ANKRD6: variants seen among roughly 807,000 people sequenced by gnomAD.
ANKRD6 encodes the protein ankyrin repeat domain-containing protein 6.
Under a neutral mutation model 82.3 loss-of-function variants are expected in ANKRD6, and 56 were observed. That is an observed-to-expected ratio of 0.68 (90% CI 0.55 to 0.85). The LOEUF (loss-of-function observed/expected upper bound fraction) is 0.85, where lower values mean the gene tolerates loss of function less well. Ranked by LOEUF, ANKRD6 falls within the 40% of genes least tolerant of loss-of-function variation. The pLI, the probability that ANKRD6 is intolerant of heterozygous loss-of-function variation, is 0.00. For synonymous variants in ANKRD6, 347 were observed against 352.1 expected (o/e 0.99, Z 0.16); for missense variants, 852 against 907.6 (o/e 0.94, Z 0.79).
intron 3 of ANKRD6, chr6:89,598,211 CTCCAGGAGCAAA>C: frequency 1.0e-6 from 1 of 985,400 alleles, no homozygotes; most frequent in Non-Finnish European, 1.2e-6. Context: ...GATTATGCAA[CTCCAGGAGCAAA>C]TTCTTTCTTG....
intron 1 of ANKRD6, among the ~76,000 whole-genome samples, chr6:89,473,286 C>T (rs1434847968): frequency 1.3e-5 from 2 of 151,810 alleles, no homozygotes; most frequent in African/African-American, 4.8e-5. Flanking sequence ...CGGCGTATGC[C>T]CATAATCCCA....
At chr6:89,494,655 A>C (rs1012557394) in intron 1 of ANKRD6, among the ~76,000 whole-genome samples, 1 of 152,246 alleles carries the variant, frequency 6.6e-6, no homozygotes, top group Middle Eastern at 3.4e-3. Context: ...AAGTGGCTTG[A>C]ACTCCTGCAG....
chr6:89,501,202 C>T (rs574305928), intron 1 of ANKRD6, among the ~76,000 whole-genome samples: 2 of 152,308 alleles, frequency 1.3e-5, no homozygotes, highest in Admixed American at 6.5e-5. Context: ...AAAATCAAGA[C>T]TTAACGATTA....
intron 1 of ANKRD6, among the ~76,000 whole-genome samples, chr6:89,530,097 A>T (rs1456197836): frequency 6.6e-6 from 1 of 151,964 alleles, no homozygotes; most frequent in Non-Finnish European, 1.5e-5. Flanking sequence ...ATACAAAAAG[A>T]TACAAAAATT....
intron 7 of ANKRD6, chr6:89,616,351 A>G (rs907214314): frequency 7.0e-6 from 4 of 570,326 alleles, no homozygotes; most frequent in Non-Finnish European, 1.2e-5. Flanking sequence ...ATCCTCACTC[A>G]GAAAGAAAGG....
intron 4 of ANKRD6, among the ~76,000 whole-genome samples, chr6:89,605,185 C>A (rs568238195): frequency 9.9e-4 from 151 of 152,282 alleles, no homozygotes; most frequent in African/African-American, 3.6e-3. Context: ...AGTTCAAGAC[C>A]AGCCTAGCCA....
At chr6:89,470,783 A>G (rs532499466) in intron 1 of ANKRD6, among the ~76,000 whole-genome samples, 6 of 151,762 alleles carry the variant, frequency 4.0e-5, no homozygotes, top group African/African-American at 1.5e-4. Context: ...TCTTTTTAGG[A>G]TAAATTCTTA....
chr6:89,622,510 A>G (rs1188066191), intron 10 of ANKRD6, among the ~76,000 whole-genome samples: 3 of 152,184 alleles, frequency 2.0e-5, no homozygotes, highest in Non-Finnish European at 4.4e-5. Context: ...TCTCATGGGG[A>G]CTAAAATTTG....
At chr6:89,616,170 T>A (rs1339996424) in intron 7 of ANKRD6, among the ~76,000 whole-genome samples, 1 of 152,200 alleles carries the variant, frequency 6.6e-6, no homozygotes, top group Non-Finnish European at 1.5e-5. Context: ...TTTTCTGACC[T>A]CTGACCTCCC....
At chr6:89,566,454 A>G (rs576064193) in intron 1 of ANKRD6, among the ~76,000 whole-genome samples, 1 of 152,314 alleles carries the variant, frequency 6.6e-6, no homozygotes, top group South Asian at 2.1e-4. Context: ...AAATCCAACC[A>G]GGGGGCCTTT....
At chr6:89,485,940 G>A (rs947910579) in intron 1 of ANKRD6, among the ~76,000 whole-genome samples, 15 of 152,120 alleles carry the variant, frequency 9.9e-5, no homozygotes, top group Non-Finnish European at 1.9e-4. Flanking sequence ...ATTACCTGAA[G>A]CATGCGTTTT....
rs965614442 is a variant in ANKRD6 at position 89,591,807 on chromosome 6, A to G, written c.121-4109A>G. On this transcript the variant is annotated intron_variant, in intron 2 of 15. Coordinates refer to ENST00000339746, the MANE Select transcript of ANKRD6 (RefSeq NM_001242809.2). ...CGGAGGAGACAGCTTCAGCTTCTAT[A>G]GGAAACCGATTACTGCCTTTGCTAT... Among the ~76,000 whole-genome samples, 10 of 152,346 alleles carry G rather than the reference A, an allele frequency of 6.6e-5. No homozygotes were observed. In the East Asian group the frequency reaches 1.7e-3, roughly 26 times the overall value.
chr6:89,447,974 A>G (rs1772318437), intron 1 of ANKRD6, among the ~76,000 whole-genome samples: 2 of 151,430 alleles, frequency 1.3e-5, no homozygotes, highest in South Asian at 4.3e-4. Flanking sequence ...GGCGTGAGCC[A>G]CTGCACCCAG....
chr6:89,551,103 C>T (rs1233853474), intron 1 of ANKRD6, among the ~76,000 whole-genome samples: 1 of 152,084 alleles, frequency 6.6e-6, no homozygotes, highest in Non-Finnish European at 1.5e-5. Flanking sequence ...GAGAGAATCC[C>T]TTTGTTAATT....
chr6:89,613,309 G>C (rs1427938914), intron 6 of ANKRD6, among the ~76,000 whole-genome samples: 1 of 152,100 alleles, frequency 6.6e-6, no homozygotes, highest in African/African-American at 2.4e-5. Context: ...TGAACTTCAG[G>C]GGGTACGTGT....
chr6:89,451,535 A>C (rs1424068899), intron 1 of ANKRD6, among the ~76,000 whole-genome samples: 1 of 152,160 alleles, frequency 6.6e-6, no homozygotes, highest in African/African-American at 2.4e-5. Flanking sequence ...TTTATTACTA[A>C]ATCCTGGAGA....
intron 1 of ANKRD6, among the ~76,000 whole-genome samples, chr6:89,439,743 G>A (rs901431319): frequency 6.6e-6 from 1 of 152,056 alleles, no homozygotes; most frequent in Non-Finnish European, 1.5e-5. Flanking sequence ...CTGTCACCCA[G>A]GCTGGAGTGC....
chr6:89,495,231 TCAAAACAAAA>T (rs61057432), intron 1 of ANKRD6, among the ~76,000 whole-genome samples: 92 of 152,116 alleles, frequency 6.0e-4, no homozygotes, highest in East Asian at 1.2e-3. Context: ...AGACTCCATC[TCAAAACAAAA>T]CAAAACAAAA....
At chr6:89,580,047 A>G (rs560378739) in intron 2 of ANKRD6, among the ~76,000 whole-genome samples, 5 of 152,264 alleles carry the variant, frequency 3.3e-5, no homozygotes, top group African/African-American at 1.2e-4. Flanking sequence ...GTGGGAAATT[A>G]TTGACTGCAA....
Sources: allele counts gnomAD v4.1 joint callset (sites outside exome capture counted in the v4.1 genomes callset), GRCh38; gene constraint gnomAD v4.1.1; transcripts MANE v1.5; gene names NCBI Gene and HGNC (gene_info 2026-07-23, HGNC 2026-07-21).